DNAH6: variants seen among roughly 807,000 people sequenced by gnomAD.
The protein encoded by DNAH6 is axonemal beta dynein heavy chain 6.
A neutral mutation model predicts 491.4 loss-of-function variants in DNAH6; 340 were observed. The ratio of observed to expected loss-of-function variants is 0.69; its 90% CI spans 0.63 to 0.76. The LOEUF is 0.76. Ranked by LOEUF, DNAH6 falls within the 30% of genes least tolerant of loss-of-function variation. DNAH6 has a pLI of 0.00. For missense variants in DNAH6, 4,443 were observed against 4,972.2 expected, an observed-to-expected ratio of 0.89 and a Z score of 3.20; for synonymous variants, 1,603 against 1,686.1, an observed-to-expected ratio of 0.95 and a Z score of 1.21.
intron 60 of DNAH6, 67 bp downstream of exon 60, chr2:84,722,871 C>T (rs978688232): frequency 1.0e-6 from 1 of 980,580 alleles, no homozygotes; most frequent in Non-Finnish European, 1.4e-6. Flanking sequence ...TGAATTACTT[C>T]TTGCTTCACA....
chr2:84,593,850 A>G, intron 16 of DNAH6, 122 bp from the exon 17 acceptor site: 2 of 456,276 alleles, frequency 4.4e-6, no homozygotes, highest in East Asian at 7.1e-5. Flanking sequence ...CCTTTTCTTA[A>G]TCCATTTAGG....
intron 61 of DNAH6, among the ~76,000 whole-genome samples, chr2:84,730,193 G>A (rs1263091345): frequency 6.6e-6 from 1 of 152,188 alleles, no homozygotes; most frequent in Admixed American, 6.5e-5. Context: ...AACAAAAGGT[G>A]GGCAGAGATG....
intron 10 of DNAH6, among the ~76,000 whole-genome samples, chr2:84,555,192 T>A (rs1679894505): frequency 6.6e-6 from 1 of 152,206 alleles, no homozygotes; most frequent in South Asian, 2.1e-4. Context: ...AGGAAAATTA[T>A]ATACTTAAGT....
intron 20 of DNAH6, among the ~76,000 whole-genome samples, chr2:84,606,539 A>G (rs966080304): frequency 2.0e-5 from 3 of 152,176 alleles, no homozygotes; most frequent in Non-Finnish European, 4.4e-5. Flanking sequence ...AATGAGTTCA[A>G]TTCTCTCTTC....
At chr2:84,574,115 T>C (rs1170347892) in intron 12 of DNAH6, among the ~76,000 whole-genome samples, 1 of 152,150 alleles carries the variant, frequency 6.6e-6, no homozygotes, top group Non-Finnish European at 1.5e-5. Context: ...GGCAAGCAAG[T>C]TCTCAGAAAA....
chr2:84,792,800 A>G (rs1341200637), intron 68 of DNAH6, among the ~76,000 whole-genome samples: 5 of 152,240 alleles, frequency 3.3e-5, no homozygotes, highest in Non-Finnish European at 5.9e-5. Context: ...TCACAAAGCT[A>G]TAATAAAAGC....
intron 69 of DNAH6, among the ~76,000 whole-genome samples, chr2:84,796,872 T>A (rs952467958): frequency 6.6e-6 from 1 of 152,020 alleles, no homozygotes; most frequent in Non-Finnish European, 1.5e-5. Context: ...TATAAAAGTT[T>A]TTAAAAAAAT....
intron 14 of DNAH6, among the ~76,000 whole-genome samples, chr2:84,581,237 T>C (rs1324701310): frequency 1.3e-5 from 2 of 152,130 alleles, no homozygotes; most frequent in Non-Finnish European, 2.9e-5. Context: ...GTTGATGCAG[T>C]ATGCAGAAAA....
At chr2:84,652,542 A>G (rs1379365255) in intron 33 of DNAH6, among the ~76,000 whole-genome samples, 3 of 151,864 alleles carry the variant, frequency 2.0e-5, no homozygotes, top group Non-Finnish European at 4.4e-5. Context: ...CAGAAGTTTG[A>G]TTTTTGTCTG....
chr2:84,541,740 A>G (rs186446320), intron 4 of DNAH6, among the ~76,000 whole-genome samples: 62 of 152,360 alleles, frequency 4.1e-4, no homozygotes, highest in Non-Finnish European at 1.2e-4. Flanking sequence ...TTGAACTTCA[A>G]GTGAAGATGT....
intron 18 of DNAH6, among the ~76,000 whole-genome samples, chr2:84,602,248 A>C (rs186666090): frequency 1.3e-5 from 2 of 151,978 alleles, no homozygotes; most frequent in East Asian, 3.8e-4. Context: ...ATATCCTTTA[A>C]TATTTCTTAT....
chr2:84,573,641 T>C (rs1682123764), intron 12 of DNAH6, 54 bp downstream of exon 12: 5 of 1,461,314 alleles, frequency 3.4e-6, no homozygotes, highest in Admixed American at 5.5e-5. Flanking sequence ...CTGAGATTTG[T>C]TGTTTTTTAG....
chr2:84,581,125 C>T (rs1682983603), intron 14 of DNAH6, among the ~76,000 whole-genome samples: 1 of 152,206 alleles, frequency 6.6e-6, no homozygotes, highest in Non-Finnish European at 1.5e-5. Flanking sequence ...TGATTCAGAG[C>T]TCCTATTCTG....
In DNAH6 at chr2:84,819,441, G is replaced by A. The variant is rs1002430919; in HGVS notation, c.*33G>A. Reference sequence around the variant, plus strand: ...CCACCTCAGCCCTGAAAAAGAACCAGGCCAGAGATCTTTCCTAATGGGAGC... The same window carrying A: ...CCACCTCAGCCCTGAAAAAGAACCAAGCCAGAGATCTTTCCTAATGGGAGC... On this transcript the variant is annotated 3_prime_UTR_variant, in exon 77 of 77. Transcript: ENST00000389394. 62 of 1,425,732 alleles carry A rather than the reference G, an allele frequency of 4.3e-5. No homozygotes were observed. In the Middle Eastern group the frequency reaches 5.2e-4, roughly 12 times the overall value. 88.3% of individuals were successfully genotyped at this position (1,425,732 alleles called of 1,614,324 possible). A position where few individuals can be genotyped will look rare whatever the true frequency, so the allele number is the denominator to read the frequency against.
chr2:84,466,534 AAAAAC>A, the DNAH6 span, among the ~76,000 whole-genome samples: 1 of 152,242 alleles, frequency 6.6e-6, no homozygotes, highest in Admixed American at 6.5e-5. Context: ...CTCGATTCTG[AAAAAC>A]AAAACAAAGG....
At chr2:84,701,472 T>C (rs903784784) in intron 49 of DNAH6, 133 bp downstream of exon 49, 34 of 910,974 alleles carry the variant, frequency 3.7e-5, no homozygotes, top group Non-Finnish European at 5.3e-5. Context: ...TATAAAGAAA[T>C]ACCTGAGACT....
chr2:84,620,569 G>T (rs943447799), intron 24 of DNAH6, among the ~76,000 whole-genome samples: 1 of 152,116 alleles, frequency 6.6e-6, no homozygotes, highest in Non-Finnish European at 1.5e-5. Context: ...TCACACACAG[G>T]AACTGTGTAG....
intron 38 of DNAH6, 76 bp from the exon 39 acceptor site, chr2:84,670,252 A>G (rs1324412528): frequency 6.8e-6 from 7 of 1,036,620 alleles, no homozygotes; most frequent in African/African-American, 1.6e-5. Flanking sequence ...TTTCTTACTC[A>G]TTGTGCCAAA....
intron 18 of DNAH6, among the ~76,000 whole-genome samples, chr2:84,596,549 T>C (rs1485897067): frequency 1.3e-5 from 2 of 151,974 alleles, no homozygotes; most frequent in African/African-American, 4.8e-5. Context: ...CAGGCTGGCC[T>C]CAAAATCCTG....
Sources: allele counts gnomAD v4.1 joint callset (sites outside exome capture counted in the v4.1 genomes callset), GRCh38; gene constraint gnomAD v4.1.1; transcripts MANE v1.5; gene names NCBI Gene and HGNC (gene_info 2026-07-23, HGNC 2026-07-21).